Variants in BCAS3 observed in about 807,000 individuals in gnomAD.
BCAS3 encodes the protein BCAS4/BCAS3 fusion.
A neutral mutation model predicts 116.1 loss-of-function variants in BCAS3; 53 were observed. The observed-to-expected ratio is 0.46, with a 90% CI of 0.37 to 0.57. The LOEUF is 0.57. Among genes scored for constraint, BCAS3 ranks in the 20% least tolerant of loss-of-function variants. BCAS3 has a pLI of 0.00. For missense variants in BCAS3, 917 were observed against 1,165.4 expected (o/e 0.79, Z 3.10); for synonymous variants, 391 against 408.2 (o/e 0.96, Z 0.51).
intron 19 of BCAS3, chr17:61,069,787 G>C (rs2071120948): frequency 1.5e-6 from 1 of 673,082 alleles, no homozygotes; most frequent in Admixed American, 2.6e-5. Context: ...AGTGAGCCGA[G>C]ATCATGCCAC....
intron 12 of BCAS3, among the ~76,000 whole-genome samples, chr17:60,913,160 G>A (rs1007375799): frequency 6.6e-6 from 1 of 152,024 alleles, no homozygotes; most frequent in African/African-American, 2.4e-5. Flanking sequence ...TGTGATAAAT[G>A]CATTGATAAC....
rs2047541004 is a variant in BCAS3, at chr17:61,241,740, T to C, written c.2426-126587T>C. 1.3e-5 allele frequency among the ~76,000 whole-genome samples: 2 copies of C among 151,866 alleles called. No individual in the cohort carries two copies. Among genetic ancestry groups the C allele is most frequent in the Admixed American group, 1.3e-4 (2 of 15,270 alleles). On this transcript the variant is annotated intron_variant, in intron 22 of 23. Transcript: ENST00000407086. This position sits in a 1 kb window ranked among gnomAD's most constrained non-coding sequence, Gnocchi z 4.6. ...TCTCAAAAAATAATAATAAGAATAA[T>C]AGTTTGGAGGTAAAATGAGTCTAAA...
chr17:60,925,753 A>G (rs922402212), intron 13 of BCAS3, among the ~76,000 whole-genome samples: 19 of 152,088 alleles, frequency 1.2e-4, no homozygotes, highest in Non-Finnish European at 1.2e-4. Flanking sequence ...TTTCACAGTA[A>G]GGAGTTGGTG....
rs1325496053 is a variant in BCAS3, at chr17:61,073,395, CTG to C, written c.2030-1521_2030-1520del. On this transcript the variant is annotated intron_variant, in intron 19 of 23. Coordinates refer to ENST00000407086, the MANE Select transcript of BCAS3 (RefSeq NM_017679.5). The surrounding 1 kb of genome is among the most constrained non-coding windows in gnomAD (Gnocchi z 4.6). ...AAGTTAAGATAAGCTTTTTGTGAGTCTGTGTCTTTTAAAATCTTGCCCTAGGT... is the reference window on the plus strand; with the variant it reads ...AAGTTAAGATAAGCTTTTTGTGAGTCTGTCTTTTAAAATCTTGCCCTAGGT... 6.6e-6 allele frequency among the ~76,000 whole-genome samples: 1 copy of C among 152,104 alleles called. No homozygotes were observed. Among genetic ancestry groups the C allele is most frequent in the Non-Finnish European group, 1.5e-5 (1 of 68,020 alleles).
In BCAS3 at chr17:61,224,462, G is replaced by A. The variant is rs1255427631; in HGVS notation, c.2425+139898G>A. On this transcript the variant is annotated intron_variant, in intron 22 of 23. Transcript: ENST00000407086. The surrounding 1 kb of genome is among the most constrained non-coding windows in gnomAD (Gnocchi z 5.7). Reference sequence around the variant, plus strand: ...GGGAGAACAGTGCTCGGAAAACAGGGTGTACATATGGGGACGAGCAGGTGG... The same window carrying A: ...GGGAGAACAGTGCTCGGAAAACAGGATGTACATATGGGGACGAGCAGGTGG... Among the ~76,000 whole-genome samples, 2 of 152,192 alleles carry A rather than the reference G, an allele frequency of 1.3e-5. No homozygotes were observed. The highest frequency in any genetic ancestry group is 2.9e-5 in the Non-Finnish European group (2 of 68,034).
At position 60,956,849 on chromosome 17, in the gene BCAS3, C is replaced by T. The variant is rs1030988321; in HGVS notation, c.1221+9497C>T. Among the ~76,000 whole-genome samples the T allele has an allele frequency of 1.3e-5, 2 of 152,034 alleles. No homozygotes were observed. The highest frequency in any genetic ancestry group is 1.5e-5 in the Non-Finnish European group (1 of 67,976). Reference sequence around the variant, plus strand: ...TGAACTGATATATAAAATTTAACACCAGTCGTGAAATCTATATGTCACATG... The same window carrying T: ...TGAACTGATATATAAAATTTAACACTAGTCGTGAAATCTATATGTCACATG... On this transcript the variant is annotated intron_variant, in intron 14 of 23. Transcript: ENST00000407086. This position sits in a 1 kb window ranked among gnomAD's most constrained non-coding sequence, Gnocchi z 4.2.
intron 14 of BCAS3, among the ~76,000 whole-genome samples, chr17:60,973,890 C>T (rs2062132119): frequency 6.6e-6 from 1 of 152,038 alleles, no homozygotes; most frequent in Non-Finnish European, 1.5e-5. Context: ...CCACACCCTG[C>T]CTAAAAATAT....
intron 15 of BCAS3, among the ~76,000 whole-genome samples, chr17:61,005,021 A>G (rs565093052): frequency 2.0e-5 from 3 of 152,266 alleles, no homozygotes; most frequent in Admixed American, 2.0e-4. Context: ...CTCATAAATG[A>G]ATATAGTTTT....
chr17:60,885,571 A>T (rs1394441304), intron 9 of BCAS3, among the ~76,000 whole-genome samples: 2 of 149,702 alleles, frequency 1.3e-5, no homozygotes, highest in African/African-American at 5.0e-5. Flanking sequence ...ATGATTTTGC[A>T]GCAGCTGGTA....
chr17:60,977,016 G>A (rs960004869), intron 14 of BCAS3, among the ~76,000 whole-genome samples: 1 of 151,828 alleles, frequency 6.6e-6, no homozygotes, highest in South Asian at 2.1e-4. Flanking sequence ...CGGGGCGGCC[G>A]GGCAGAGGCG....
chr17:61,214,483 G>T lies in BCAS3; in HGVS notation c.2425+129919G>T, dbSNP rs968331441. Among the ~76,000 whole-genome samples, 4 of 151,878 alleles carry T rather than the reference G, an allele frequency of 2.6e-5. No homozygotes were observed. Among genetic ancestry groups the T allele is most frequent in the Admixed American group, 6.6e-5 (1 of 15,244 alleles). On this transcript the variant is annotated intron_variant, in intron 22 of 23. Transcript: ENST00000407086. The surrounding 1 kb of genome is among the most constrained non-coding windows in gnomAD (Gnocchi z 4.4). Reference sequence around the variant, plus strand: ...GTGGATCACAAGGTCAGGAGATGGAGATCATCCTGGCTAACATGGTGAAAC... The same window carrying T: ...GTGGATCACAAGGTCAGGAGATGGATATCATCCTGGCTAACATGGTGAAAC...
At chr17:60,884,483 T>C (rs1424945356) in intron 9 of BCAS3, among the ~76,000 whole-genome samples, 7 of 141,648 alleles carry the variant, frequency 4.9e-5, no homozygotes, top group Non-Finnish European at 7.5e-5. Context: ...TGCCTTCTGC[T>C]AGCTTTTGAA....
In BCAS3 at chr17:61,151,348, GA is replaced by G. The variant is rs1169668045; in HGVS notation, c.2425+66785del. Among the ~76,000 whole-genome samples the G allele has an allele frequency of 1.3e-5, 2 of 151,488 alleles. No homozygotes were observed. Among genetic ancestry groups the G allele is most frequent in the Admixed American group, 1.3e-4 (2 of 15,226 alleles). On this transcript the variant is annotated intron_variant, in intron 22 of 23. Coordinates refer to ENST00000407086, the MANE Select transcript of BCAS3 (RefSeq NM_017679.5). This position sits in a 1 kb window ranked among gnomAD's most constrained non-coding sequence, Gnocchi z 4.8. ...CTGGTCCCAAGCATTTCGGATAGGGGATAATCAACCTATACCACTACCTCCT... is the reference window on the plus strand; with the variant it reads ...CTGGTCCCAAGCATTTCGGATAGGGGTAATCAACCTATACCACTACCTCCT...
rs1460789360 is a variant in BCAS3 at position 61,188,389 on chromosome 17, A to C, written c.2425+103825A>C. ...TTGTATAATAAGAAGTGTGTTCTCCATGGAATTTTTCAACAAGAGAGTTCC... is the reference window on the plus strand; with the variant it reads ...TTGTATAATAAGAAGTGTGTTCTCCCTGGAATTTTTCAACAAGAGAGTTCC... On this transcript the variant is annotated intron_variant, in intron 22 of 23. Transcript: ENST00000407086. The surrounding 1 kb of genome is among the most constrained non-coding windows in gnomAD (Gnocchi z 4.0). Among the ~76,000 whole-genome samples, 1 of 152,230 alleles carries C rather than the reference A, an allele frequency of 6.6e-6. No individual in the cohort carries two copies. The highest frequency in any genetic ancestry group is 1.5e-5 in the Non-Finnish European group (1 of 68,038).
chr17:61,123,896 A>T (rs2075922530), intron 22 of BCAS3, among the ~76,000 whole-genome samples: 1 of 152,184 alleles, frequency 6.6e-6, no homozygotes, highest in Non-Finnish European at 1.5e-5. Context: ...TTGAGAGAAG[A>T]ATGACCACTA....
At chr17:61,080,099 T>C (rs900473113) in intron 21 of BCAS3, among the ~76,000 whole-genome samples, 1 of 151,570 alleles carries the variant, frequency 6.6e-6, no homozygotes, top group African/African-American at 2.4e-5. Flanking sequence ...GAGATGGAGT[T>C]TCACTATGTT....
At chr17:60,948,202 G>A (rs1248956028) in intron 14 of BCAS3, among the ~76,000 whole-genome samples, 3 of 151,912 alleles carry the variant, frequency 2.0e-5, no homozygotes, top group South Asian at 4.2e-4. Context: ...TCTGCCTCCC[G>A]GGTTCGAGCA....
At chr17:61,179,304 G>A (rs2079336755) in intron 22 of BCAS3, among the ~76,000 whole-genome samples, 1 of 124,050 alleles carries the variant, frequency 8.1e-6, no homozygotes. Context: ...CTACAATACA[G>A]TACCTTTCAA....
intron 15 of BCAS3, among the ~76,000 whole-genome samples, chr17:61,014,601 C>T (rs958010200): frequency 2.0e-5 from 3 of 151,844 alleles, no homozygotes; most frequent in African/African-American, 4.8e-5. Context: ...TTGCTTTTCC[C>T]CTGTCAAATC....
Sources: gnomAD v4.1 joint callset for allele counts (sites outside exome capture counted in the v4.1 genomes callset) on GRCh38, gnomAD v4.1.1 for gene constraint, Gnocchi (gnomAD v3.1) non-coding constraint, MANE v1.5 for transcripts, NCBI Gene and HGNC (gene_info 2026-07-23, HGNC 2026-07-21) for gene names.